CAMTA1: variants seen among roughly 807,000 people sequenced by gnomAD.
CAMTA1 encodes the protein calmodulin binding transcription activator 1.
CAMTA1 carries 27 observed loss-of-function variants against 170.9 expected under a neutral mutation model. The observed-to-expected ratio is 0.16, with a 90% CI of 0.12 to 0.22. The LOEUF is 0.22. Among genes scored for constraint, CAMTA1 ranks in the 10% least tolerant of loss-of-function variants. The probability of loss-of-function intolerance (pLI) is 1.00; values close to 1 mark genes in which losing one functional copy is unlikely to be tolerated. For missense variants in CAMTA1, 1,619 were observed against 2,217.2 expected (o/e 0.73, Z 5.42); for synonymous variants, 833 against 891.5 (o/e 0.93, Z 1.17).
At chr1:7,614,376 C>G (rs774969366) in intron 6 of CAMTA1, among the ~76,000 whole-genome samples, 4 of 151,558 alleles carry the variant, frequency 2.6e-5, no homozygotes, top group Non-Finnish European at 5.9e-5. Context: ...AAACCAGATT[C>G]CAGAGACAAA....
intron 5 of CAMTA1, among the ~76,000 whole-genome samples, chr1:7,268,132 G>A (rs756546326): frequency 6.6e-6 from 1 of 152,200 alleles, no homozygotes; most frequent in Non-Finnish European, 1.5e-5. Context: ...GCATTTTCCA[G>A]ACAGTGCATG....
chr1:7,346,559 C>T (rs2084235361), intron 5 of CAMTA1, among the ~76,000 whole-genome samples: 1 of 152,172 alleles, frequency 6.6e-6, no homozygotes, highest in African/African-American at 2.4e-5. Flanking sequence ...AAGACTTCCC[C>T]CCTTAGGGAT....
intron 11 of CAMTA1, among the ~76,000 whole-genome samples, chr1:7,678,560 CCAGAGG>C (rs2149284172): frequency 6.6e-6 from 1 of 152,256 alleles, no homozygotes; most frequent in South Asian, 2.1e-4. Flanking sequence ...GACGCCAGAG[CCAGAGG>C]CTGCCATTTC....
At chr1:7,015,095 C>T (rs61780922) in intron 3 of CAMTA1, among the ~76,000 whole-genome samples, 219 of 152,230 alleles carry the variant, frequency 1.4e-3, no homozygotes, top group Non-Finnish European at 2.5e-3. Flanking sequence ...CCTGTGCTGC[C>T]CTGGTTTGCT....
At chr1:7,413,582 C>T (rs2090952051) in intron 5 of CAMTA1, among the ~76,000 whole-genome samples, 2 of 152,084 alleles carry the variant, frequency 1.3e-5, no homozygotes, top group African/African-American at 4.8e-5. Context: ...TATAAGAATG[C>T]TTGTGATTTT....
intron 10 of CAMTA1, 52 bp downstream of exon 10, chr1:7,671,089 C>G (rs774101038): frequency 6.3e-7 from 1 of 1,598,638 alleles, no homozygotes; most frequent in Admixed American, 1.7e-5. Flanking sequence ...GCCTGAGGAG[C>G]ACTGGACTCG....
chr1:7,507,192 A>G (rs1318452413), intron 6 of CAMTA1, among the ~76,000 whole-genome samples: 1 of 151,412 alleles, frequency 6.6e-6, no homozygotes, highest in Non-Finnish European at 1.5e-5. Context: ...CATACATAAC[A>G]CCCTCACAGT....
At chr1:7,130,071 G>C (rs1307497783) in intron 4 of CAMTA1, among the ~76,000 whole-genome samples, 1 of 151,982 alleles carries the variant, frequency 6.6e-6, no homozygotes, top group Non-Finnish European at 1.5e-5. Context: ...CAAGTAGCTG[G>C]GACTACAGGC....
Position 7,737,013 on chromosome 1 carries a change from A to G in CAMTA1, c.3342+4A>G, listed in dbSNP as rs766133988. On this transcript the variant is annotated splice_donor_region_variant and intron_variant, in intron 14 of 22. Transcript: ENST00000303635. ...CCACTTCTCCTGTACTCCTCTGGTAAGGAATGGATTCCTGTAGCCCCCCCT... is the reference window on the plus strand; with the variant it reads ...CCACTTCTCCTGTACTCCTCTGGTAGGGAATGGATTCCTGTAGCCCCCCCT... 2.1e-5 allele frequency: 33 copies of G among 1,605,168 alleles called. No homozygotes were observed. Among genetic ancestry groups the G allele is most frequent in the Non-Finnish European group, 2.8e-5 (33 of 1,172,672 alleles).
chr1:7,704,157 G>A (rs903561975), intron 11 of CAMTA1, among the ~76,000 whole-genome samples: 1 of 150,218 alleles, frequency 6.7e-6, no homozygotes, highest in Non-Finnish European at 1.5e-5. Flanking sequence ...CTGCATTGCA[G>A]ACGCCGCCGC....
chr1:7,057,056 C>T (rs959298172), intron 3 of CAMTA1, among the ~76,000 whole-genome samples: 2 of 152,162 alleles, frequency 1.3e-5, no homozygotes, highest in East Asian at 1.9e-4. Context: ...GGCTTAGGGC[C>T]AGGCCCTTCT....
At chr1:7,307,579 T>C (rs927536038) in intron 5 of CAMTA1, among the ~76,000 whole-genome samples, 5 of 152,166 alleles carry the variant, frequency 3.3e-5, no homozygotes, top group East Asian at 1.9e-4. Context: ...TAGGGTTTTT[T>C]TGGTAGATGC....
intron 5 of CAMTA1, among the ~76,000 whole-genome samples, chr1:7,464,055 A>G (rs1303937432): frequency 6.6e-6 from 1 of 152,216 alleles, no homozygotes; most frequent in Non-Finnish European, 1.5e-5. Flanking sequence ...TTCCTTGCTC[A>G]ACTGCCATGT....
At chr1:6,941,703 G>A (rs895423997) in intron 3 of CAMTA1, among the ~76,000 whole-genome samples, 24 of 152,222 alleles carry the variant, frequency 1.6e-4, no homozygotes, top group Non-Finnish European at 2.5e-4. Context: ...AGTCACTCCT[G>A]AAGTATTAGT....
At chr1:7,212,026 T>G (rs1658865085) in intron 4 of CAMTA1, among the ~76,000 whole-genome samples, 1 of 152,124 alleles carries the variant, frequency 6.6e-6, no homozygotes, top group Non-Finnish European at 1.5e-5. Context: ...ATCCTAAATA[T>G]ATATAAAATA....
At chr1:7,705,711 G>A in intron 11 of CAMTA1, among the ~76,000 whole-genome samples, 1 of 152,186 alleles carries the variant, frequency 6.6e-6, no homozygotes, top group Non-Finnish European at 1.5e-5. Context: ...ACAGCCCTGC[G>A]CTCCTCAGCG....
intron 5 of CAMTA1, among the ~76,000 whole-genome samples, chr1:7,342,549 G>T (rs927377111): frequency 2.0e-5 from 3 of 152,206 alleles, no homozygotes; most frequent in African/African-American, 7.2e-5. Flanking sequence ...CATCATCATG[G>T]CAGGGTGCCC....
At position 7,088,164 on chromosome 1, in the gene CAMTA1, G is replaced by C. The variant is rs75587946; in HGVS notation, c.235-3140G>C. On this transcript the variant is annotated intron_variant, in intron 3 of 22. Transcript: ENST00000303635. ...AGCCAACCTGAGCACAACAGAGATG[G>C]GAGCCTGGGCCTGTGCATCAGCTTC... is the stretch of plus-strand genomic sequence containing the variant. 5.7e-3 allele frequency among the ~76,000 whole-genome samples: 870 copies of C among 152,318 alleles called. 4 individuals are homozygous for C. The highest frequency in any genetic ancestry group is 0.02 in the African/African-American group (811 of 41,566).
At chr1:7,398,185 CTCTCTCT>C (rs2089534883) in intron 5 of CAMTA1, among the ~76,000 whole-genome samples, 1 of 46,542 alleles carries the variant, frequency 2.1e-5, no homozygotes, top group African/African-American at 8.7e-5. Context: ...CTCTCTCTCT[CTCTCTCT>C]CTATATATAT....
Sources: allele counts gnomAD v4.1 joint callset (sites outside exome capture counted in the v4.1 genomes callset), GRCh38; gene constraint gnomAD v4.1.1; transcripts MANE v1.5; gene names NCBI Gene and HGNC (gene_info 2026-07-23, HGNC 2026-07-21).